The following CSMD3 variants were observed in gnomAD, a reference collection of about 807,000 sequenced individuals.
CSMD3 encodes the protein CUB and Sushi multiple domains 3.
Under a neutral mutation model 435.2 loss-of-function variants are expected in CSMD3, and 177 were observed. The observed-to-expected ratio is 0.41, with a 90% confidence interval of 0.36 to 0.46. CSMD3 has a LOEUF of 0.46. CSMD3 is among the 20% of genes least tolerant of loss of function. The pLI is 0.34. For synonymous variants in CSMD3, 1,656 were observed against 1,520.5 expected, an observed-to-expected ratio of 1.09 and a Z score of -2.07; for missense variants, 4,265 against 4,504.6, an observed-to-expected ratio of 0.95 and a Z score of 1.52.
At chr8:113,392,957 ATG>A (rs10562507) in intron 1 of CSMD3, among the ~76,000 whole-genome samples, 3,247 of 20,892 alleles carry the variant, frequency 0.16, 100 homozygotes, top group African/African-American at 0.28. Flanking sequence ...ATATATATAT[ATG>A]TGTGTGTGTG....
intron 2 of CSMD3, among the ~76,000 whole-genome samples, chr8:113,284,473 T>C (rs1233219165): frequency 6.6e-6 from 1 of 152,228 alleles, no homozygotes; most frequent in Admixed American, 6.5e-5. Context: ...GTAGAGACTC[T>C]TGTTCAGAGA....
At chr8:112,424,636 A>AT (rs1812863810) in intron 32 of CSMD3, among the ~76,000 whole-genome samples, 1 of 152,000 alleles carries the variant, frequency 6.6e-6, no homozygotes, top group African/African-American at 2.4e-5. Flanking sequence ...GGATCAGAAC[A>AT]TTTTTTCTTC....
chr8:112,446,667 T>C (rs967814777), intron 32 of CSMD3, among the ~76,000 whole-genome samples: 4 of 152,216 alleles, frequency 2.6e-5, no homozygotes, highest in Non-Finnish European at 5.9e-5. Context: ...ACACTTTTGG[T>C]CTTTTCAATA....
At chr8:113,177,138 G>A (rs2092358308) in intron 3 of CSMD3, among the ~76,000 whole-genome samples, 1 of 151,624 alleles carries the variant, frequency 6.6e-6, no homozygotes, top group African/African-American at 2.4e-5. Flanking sequence ...TTCATCAGAT[G>A]TACATGCAAG....
chr8:112,602,275 T>G (rs1013734821), intron 22 of CSMD3, among the ~76,000 whole-genome samples: 1 of 152,268 alleles, frequency 6.6e-6, no homozygotes, highest in African/African-American at 2.4e-5. Context: ...GGTTAGGGGA[T>G]TGACTCTCTA....
chr8:112,298,898 A>C (rs1392824751), intron 53 of CSMD3, among the ~76,000 whole-genome samples: 1 of 152,162 alleles, frequency 6.6e-6, no homozygotes, highest in Non-Finnish European at 1.5e-5. Flanking sequence ...GTATGTCCAC[A>C]AAAAGACTTT....
chr8:112,282,397 C>T (rs961628423), intron 58 of CSMD3, among the ~76,000 whole-genome samples: 17 of 152,014 alleles, frequency 1.1e-4, no homozygotes, highest in Non-Finnish European at 4.4e-5. Flanking sequence ...TGATTACTTT[C>T]TTCTAAATGC....
intron 4 of CSMD3, among the ~76,000 whole-genome samples, chr8:113,117,937 A>G (rs967225404): frequency 1.3e-5 from 2 of 152,174 alleles, no homozygotes; most frequent in Non-Finnish European, 2.9e-5. Flanking sequence ...GGAAGTAAGT[A>G]ACCTGATTTT....
In CSMD3 at chr8:112,859,208, A is replaced by C; in HGVS notation, c.1692T>G (p.Phe564Leu). The change falls in exon 11 of 71, where the codon TTT becomes TTG. Residue 564 changes from phenylalanine (F) to leucine (L), a missense_variant. Physicochemically the swap from Phe to Leu is conservative, Grantham distance 22. Transcript: ENST00000297405. Reference sequence around the variant, plus strand: ...GTGCATTGCTGTCATACTGGAACGGAAAGTTGGGAGATGTAAAGGTACCAC... The same window carrying C: ...GTGCATTGCTGTCATACTGGAACGGCAAGTTGGGAGATGTAAAGGTACCAC... ...GPSGTFTSPN[F>L]PFQYDSNAQC... The C allele has an allele frequency of 1.2e-6, 2 of 1,611,374 alleles. No individual in the cohort carries two copies. The highest frequency in any genetic ancestry group is 2.2e-5 in the East Asian group (1 of 44,764).
chr8:112,404,521 C>T (rs543064589), intron 35 of CSMD3, among the ~76,000 whole-genome samples: 19 of 149,202 alleles, frequency 1.3e-4, no homozygotes, highest in African/African-American at 4.5e-4. Context: ...GGGTGAGACT[C>T]CATAAAAAAA....
chr8:112,843,076 G>C (rs2080226180), intron 11 of CSMD3, among the ~76,000 whole-genome samples: 1 of 151,690 alleles, frequency 6.6e-6, no homozygotes, highest in Non-Finnish European at 1.5e-5. Flanking sequence ...TCTAGAATAA[G>C]CATCAATTCT....
intron 2 of CSMD3, chr8:113,311,789 G>A (rs1055367140): frequency 6.6e-6 from 1 of 151,970 alleles, no homozygotes; most frequent in Non-Finnish European, 1.5e-5. Context: ...AGTACTTCTT[G>A]AAGCACAAAA....
intron 61 of CSMD3, chr8:112,255,657 G>C (rs536946746): frequency 1.9e-6 from 1 of 533,182 alleles, no homozygotes; most frequent in African/African-American, 1.9e-5. Flanking sequence ...TTTCCACTTA[G>C]TAAGCTACCT....
At chr8:112,721,436 A>C (rs1299924542) in intron 13 of CSMD3, among the ~76,000 whole-genome samples, 1 of 152,000 alleles carries the variant, frequency 6.6e-6, no homozygotes, top group Non-Finnish European at 1.5e-5. Context: ...TTAGCTCGGC[A>C]TGGTGGTGGG....
chr8:113,091,664 C>T (rs1233361529), intron 5 of CSMD3, among the ~76,000 whole-genome samples: 1 of 151,510 alleles, frequency 6.6e-6, no homozygotes, highest in Non-Finnish European at 1.5e-5. Context: ...CTCTCCATCT[C>T]TCTCTCTCTC....
intron 46 of CSMD3, 146 bp from the exon 47 acceptor site, chr8:112,319,096 T>C (rs1326263174): frequency 1.5e-6 from 1 of 663,406 alleles, no homozygotes; most frequent in Non-Finnish European, 2.7e-6. Context: ...GGAGTTATAT[T>C]CAAAATATTG....
At chr8:113,333,420 T>G (rs2094043162) in intron 1 of CSMD3, among the ~76,000 whole-genome samples, 1 of 151,874 alleles carries the variant, frequency 6.6e-6, no homozygotes, top group African/African-American at 2.4e-5. Context: ...ATGTTTCACA[T>G]TTAAGTTGTG....
At chr8:112,889,102 G>A (rs1156899279) in intron 10 of CSMD3, among the ~76,000 whole-genome samples, 1 of 151,574 alleles carries the variant, frequency 6.6e-6, no homozygotes, top group Non-Finnish European at 1.5e-5. Flanking sequence ...ATGGGAAAAA[G>A]GAAAGTTAAG....
intron 5 of CSMD3, among the ~76,000 whole-genome samples, chr8:113,022,758 G>C (rs2086728498): frequency 6.7e-6 from 1 of 149,140 alleles, no homozygotes; most frequent in Non-Finnish European, 1.5e-5. Flanking sequence ...CGTGTCTCTT[G>C]AGTAATAAAT....
Sources: gnomAD v4.1 joint callset for allele counts (sites outside exome capture counted in the v4.1 genomes callset) on GRCh38, gnomAD v4.1.1 for gene constraint, MANE v1.5 for transcripts, NCBI Gene and HGNC (gene_info 2026-07-23, HGNC 2026-07-21) for gene names.